Variants in RAC1 observed in about 807,000 individuals in gnomAD.
RAC1 encodes the protein Rac family small GTPase 1.
RAC1 carries 2 observed loss-of-function variants against 25.2 expected under a neutral mutation model. The ratio of observed to expected loss-of-function variants is 0.08; its 90% CI spans 0.03 to 0.25. RAC1 has a LOEUF of 0.25. Among genes scored for constraint, RAC1 ranks in the 10% least tolerant of loss-of-function variants. The pLI is 1.00. For missense variants in RAC1, 50 were observed against 235.7 expected, an observed-to-expected ratio of 0.21 and a Z score of 5.16; for synonymous variants, 88 against 94.0, an observed-to-expected ratio of 0.94 and a Z score of 0.37.
rs904145449 is a variant in RAC1 at position 6,403,206 on chromosome 7, C to A, written c.*760C>A. The A allele has an allele frequency of 5.0e-5, 11 of 221,898 alleles. No individual in the cohort carries two copies. The highest frequency in any genetic ancestry group is 1.7e-4 in the Admixed American group (3 of 17,334). The allele number at this position is 221,898 out of a possible 1,614,324, so 13.7% of individuals were successfully genotyped here. A position where few individuals can be genotyped will look rare whatever the true frequency, so the allele number is the denominator to read the frequency against. ...AAGTGGAGATTTACACTACATTGTA[C>A]AAGGAATGAAAGTGTCACGGGTAAA... On this transcript the variant is annotated 3_prime_UTR_variant, in exon 6 of 6. Coordinates refer to ENST00000348035, the MANE Select transcript of RAC1 (RefSeq NM_006908.5).
intron 2 of RAC1, among the ~76,000 whole-genome samples, chr7:6,389,338 C>A (rs1783017741): frequency 6.6e-6 from 1 of 151,834 alleles, no homozygotes; most frequent in Admixed American, 6.6e-5. Flanking sequence ...TTGAAGTTAT[C>A]TAACCGTTTT....
At chr7:6,386,750 C>T (rs1782933295) in intron 1 of RAC1, among the ~76,000 whole-genome samples, 1 of 143,258 alleles carries the variant, frequency 7.0e-6, no homozygotes. Flanking sequence ...TGCCTCTGCA[C>T]TGCACTCCAG....
At chr7:6,376,486 A>ATTTTTTTTTTT (rs544818669) in intron 1 of RAC1, among the ~76,000 whole-genome samples, 1 of 122,924 alleles carries the variant, frequency 8.1e-6, no homozygotes, top group African/African-American at 3.1e-5. Context: ...GCCCGGCCCA[A>ATTTTTTTTTTT]TTTTTTTTTT....
At chr7:6,398,166 G>A (rs1317632053) in intron 3 of RAC1, among the ~76,000 whole-genome samples, 1 of 152,158 alleles carries the variant, frequency 6.6e-6, no homozygotes, top group Non-Finnish European at 1.5e-5. Context: ...GGAATGTTCT[G>A]GCAGCATTAA....
intron 2 of RAC1, chr7:6,391,678 A>T: frequency 2.0e-6 from 1 of 491,808 alleles, no homozygotes. Context: ...TCTGACGGTG[A>T]TTTGTTTCAC....
chr7:6,402,526 A>AC lies in RAC1; in HGVS notation c.*80_*81insC, dbSNP rs1426407280. 80 of 703,964 alleles carry AC rather than the reference A, an allele frequency of 1.1e-4. 5 individuals carry two copies. The highest frequency in any genetic ancestry group is 5.7e-4 in the Middle Eastern group (1 of 1,762). The allele number at this position is 703,964 out of a possible 1,614,324, so 43.6% of individuals were successfully genotyped here. A position where few individuals can be genotyped will look rare whatever the true frequency, so the allele number is the denominator to read the frequency against. On this transcript the variant is annotated 3_prime_UTR_variant, in exon 6 of 6. Transcript: ENST00000348035. ...TCAAAAAAAAACAAAAAAAAAAAAC[A>AC]AAAAAAAAAAACAACGGTGGAGCCT... is the stretch of plus-strand genomic sequence containing the variant.
At position 6,402,828 on chromosome 7, in the gene RAC1, C is replaced by T. The variant is rs979450314; in HGVS notation, c.*382C>T. The T allele has an allele frequency of 2.9e-5, 6 of 204,310 alleles. No homozygotes were observed. Among genetic ancestry groups the T allele is most frequent in the Non-Finnish European group, 5.0e-5 (5 of 99,560 alleles). 12.7% of individuals were successfully genotyped at this position (204,310 alleles called of 1,614,324 possible). ...GAGCACTGAACTTTGCAAAGACCTT[C>T]GTCTTTGAGAAGACGGTAGCTTCTG... is the stretch of plus-strand genomic sequence containing the variant. On this transcript the variant is annotated 3_prime_UTR_variant, in exon 6 of 6. Coordinates refer to ENST00000348035, the MANE Select transcript of RAC1 (RefSeq NM_006908.5).
chr7:6,398,704 G>A, intron 3 of RAC1: 1 of 1,613,728 alleles, frequency 6.2e-7, no homozygotes, highest in Non-Finnish European at 8.5e-7. Flanking sequence ...CCGGGGCAAA[G>A]ACAAGCCGAT....
At chr7:6,389,366 G>A (rs747270960) in intron 2 of RAC1, among the ~76,000 whole-genome samples, 2 of 151,202 alleles carry the variant, frequency 1.3e-5, no homozygotes, top group Non-Finnish European at 1.5e-5. Context: ...AATCACAGAT[G>A]TGGTTAAAAT....
intron 3 of RAC1, among the ~76,000 whole-genome samples, chr7:6,398,021 C>T (rs1298666371): frequency 1.3e-5 from 2 of 152,156 alleles, no homozygotes; most frequent in African/African-American, 4.8e-5. Flanking sequence ...TGGCTTCCCC[C>T]AGACCTACAA....
intron 4 of RAC1, among the ~76,000 whole-genome samples, chr7:6,400,449 C>T (rs1324061885): frequency 2.6e-5 from 4 of 152,012 alleles, no homozygotes; most frequent in African/African-American, 9.7e-5. Context: ...CCTGCCCCAG[C>T]CTCCTGAGTT....
intron 1 of RAC1, among the ~76,000 whole-genome samples, chr7:6,383,609 A>G (rs1436177507): frequency 6.6e-6 from 1 of 152,024 alleles, no homozygotes; most frequent in African/African-American, 2.4e-5. Context: ...AGAGGATTTT[A>G]GACACAGCTG....
intron 3 of RAC1, among the ~76,000 whole-genome samples, chr7:6,393,650 C>G (rs1480121530): frequency 6.6e-6 from 1 of 152,168 alleles, no homozygotes; most frequent in Non-Finnish European, 1.5e-5. Context: ...TTCATGTTTC[C>G]TCTGTGTGAG....
intron 1 of RAC1, among the ~76,000 whole-genome samples, chr7:6,377,995 C>T (rs1423193883): frequency 6.6e-6 from 1 of 152,102 alleles, no homozygotes; most frequent in South Asian, 2.1e-4. Flanking sequence ...TCAGGCTGTA[C>T]GTCCCTCCAT....
intron 3 of RAC1, 51 bp from the exon 4 acceptor site, chr7:6,400,075 C>T (rs777028630): frequency 6.6e-7 from 1 of 1,504,436 alleles, no homozygotes; most frequent in African/African-American, 1.4e-5. Context: ...AAAGTGCATG[C>T]TTCATTCTAA....
At chr7:6,384,241 A>G (rs768409) in intron 1 of RAC1, among the ~76,000 whole-genome samples, 1 of 152,056 alleles carries the variant, frequency 6.6e-6, no homozygotes, top group Admixed American at 6.6e-5. Context: ...TTCACTGTCC[A>G]GTCCCCATTC....
intron 3 of RAC1, among the ~76,000 whole-genome samples, chr7:6,395,652 T>C (rs1446173964): frequency 6.6e-6 from 1 of 152,178 alleles, no homozygotes; most frequent in African/African-American, 2.4e-5. Context: ...ACAGGTGACC[T>C]TCTCTGATGT....
chr7:6,400,623 G>A (rs1783369344), intron 4 of RAC1, among the ~76,000 whole-genome samples: 1 of 152,054 alleles, frequency 6.6e-6, no homozygotes, highest in South Asian at 2.1e-4. Context: ...ACTGCATCTG[G>A]CCCATCAGCA....
At chr7:6,397,703 C>T (rs1036298339) in intron 3 of RAC1, among the ~76,000 whole-genome samples, 1 of 152,166 alleles carries the variant, frequency 6.6e-6, no homozygotes, top group South Asian at 2.1e-4. Context: ...AAAATTTGTC[C>T]ATGGCTGAAA....
Sources: gnomAD v4.1 joint callset for allele counts (sites outside exome capture counted in the v4.1 genomes callset) on GRCh38, gnomAD v4.1.1 for gene constraint, MANE v1.5 for transcripts, NCBI Gene and HGNC (gene_info 2026-07-23, HGNC 2026-07-21) for gene names.